The following INPP5D variants were observed in gnomAD, a reference collection of about 807,000 sequenced individuals.
The protein encoded by INPP5D is inositol polyphosphate-5-phosphatase D, also known as phosphatidylinositol 3,4,5-trisphosphate 5-phosphatase 1.
In INPP5D, 33 loss-of-function variants were observed where a neutral mutation model predicts 122.9. That is an observed-to-expected ratio of 0.27 (90% confidence interval 0.20 to 0.36). The LOEUF (loss-of-function observed/expected upper bound fraction) is 0.36. INPP5D is among the 10% of genes least tolerant of loss of function. The probability of loss-of-function intolerance (pLI) is 1.00; values close to 1 mark genes in which losing one functional copy is unlikely to be tolerated. For synonymous variants in INPP5D, 584 were observed against 576.2 expected, an observed-to-expected ratio of 1.01 and a Z score of -0.19; for missense variants, 1,053 against 1,412.7, an observed-to-expected ratio of 0.75 and a Z score of 4.08.
At chr2:233,122,306 C>T (rs368636410) in intron 3 of INPP5D, 49 bp downstream of exon 3, 468 of 1,578,556 alleles carry the variant, frequency 3.0e-4, no homozygotes, top group Non-Finnish European at 3.8e-4. Flanking sequence ...GGAACTTGCC[C>T]TGCACCCACC....
At chr2:233,200,473 C>A (rs1309133679) in intron 25 of INPP5D, among the ~76,000 whole-genome samples, 1 of 152,168 alleles carries the variant, frequency 6.6e-6, no homozygotes, top group Non-Finnish European at 1.5e-5. Context: ...CTGGTTTTTT[C>A]TTCATCCTTT....
At chr2:233,137,272 T>G (rs1290123213) in intron 5 of INPP5D, among the ~76,000 whole-genome samples, 2 of 152,010 alleles carry the variant, frequency 1.3e-5, no homozygotes, top group East Asian at 3.9e-4. Context: ...CACTGTAATT[T>G]TGCAGTAGAT....
intron 5 of INPP5D, among the ~76,000 whole-genome samples, chr2:233,138,334 T>C (rs1206330345): frequency 8.6e-6 from 1 of 116,358 alleles, no homozygotes; most frequent in African/African-American, 3.4e-5. Flanking sequence ...AGCAAAGCAA[T>C]ATGTAAAGTT....
At chr2:233,171,872 C>CA (rs1249245222) in intron 17 of INPP5D, among the ~76,000 whole-genome samples, 1 of 152,170 alleles carries the variant, frequency 6.6e-6, no homozygotes. Flanking sequence ...ATTCAAGGGT[C>CA]AAATGGCTGG....
At chr2:233,096,521 G>T (rs1436969133) in intron 2 of INPP5D, among the ~76,000 whole-genome samples, 2 of 152,038 alleles carry the variant, frequency 1.3e-5, no homozygotes, top group Non-Finnish European at 2.9e-5. Context: ...GCGTGGTGGC[G>T]CATGCCTGTA....
rs1240409265 is a variant in INPP5D, at chr2:233,185,901, G to A, written c.2334G>A (p.Val778=). The part of the protein sequence containing the change: ...NEEGSEGELV[V]KFGETLPKLK... ...AAGGAAGTGAGGGGGAGCTGGTGGT[G>A]AAGTTTGGTGAGACTCTTCCAAAGG... The change falls in exon 21 of 27, where the codon GTG becomes GTA. Residue 778 remains valine, a synonymous_variant. Coordinates refer to ENST00000445964, the MANE Select transcript of INPP5D (RefSeq NM_001017915.3). 2 of 1,607,812 alleles carry A rather than the reference G, an allele frequency of 1.2e-6. No homozygotes were observed. Among genetic ancestry groups the A allele is most frequent in the African/African-American group, 1.3e-5 (1 of 74,736 alleles).
intron 9 of INPP5D, among the ~76,000 whole-genome samples, chr2:233,148,258 AC>A (rs1693821634): frequency 6.6e-6 from 1 of 152,254 alleles, no homozygotes. Context: ...GCCGATAGAG[AC>A]TCAAATACAT....
chr2:233,131,629 G>C (rs1290432127), intron 5 of INPP5D, among the ~76,000 whole-genome samples: 1 of 152,158 alleles, frequency 6.6e-6, no homozygotes. Flanking sequence ...GAACCTGGGA[G>C]GCTGAGGTTG....
intron 11 of INPP5D, among the ~76,000 whole-genome samples, chr2:233,162,209 G>C (rs529726117): frequency 6.7e-6 from 1 of 148,842 alleles, no homozygotes; most frequent in Non-Finnish European, 1.5e-5. Context: ...CCCTGAGTAG[G>C]GTTGCCAGAT....
At chr2:233,089,100 C>A (rs1214054603) in intron 2 of INPP5D, among the ~76,000 whole-genome samples, 1 of 152,122 alleles carries the variant, frequency 6.6e-6, no homozygotes, top group East Asian at 1.9e-4. Context: ...CTTTGGATAA[C>A]TGAGGAAGAC....
Position 233,187,783 on chromosome 2 carries a change from G to A in INPP5D, c.2358+1858G>A, listed in dbSNP as rs530669387. On this transcript the variant is annotated intron_variant, in intron 21 of 26. Coordinates refer to ENST00000445964, the MANE Select transcript of INPP5D (RefSeq NM_001017915.3). Reference sequence around the variant, plus strand: ...AGTCGTGGGGGCTCTGGGCTCCAAGGAGACATTTCTGCCTCACCCGGCCCA... The same window carrying A: ...AGTCGTGGGGGCTCTGGGCTCCAAGAAGACATTTCTGCCTCACCCGGCCCA... Among the ~76,000 whole-genome samples the A allele has an allele frequency of 1.4e-4, 22 of 152,308 alleles. 1 individual carries two copies. In the South Asian group the frequency reaches 3.5e-3, roughly 24 times the overall value.
At position 233,170,728 on chromosome 2, in the gene INPP5D, C is replaced by T; in HGVS notation, c.1900+124C>T. 7.6e-7 allele frequency: 1 copy of T among 1,323,176 alleles called. No homozygotes were observed. Among genetic ancestry groups the T allele is most frequent in the African/African-American group, 1.5e-5 (1 of 67,258 alleles). The allele number at this position is 1,323,176 out of a possible 1,614,324, so 82.0% of individuals were successfully genotyped here. ...ACCATCCTGGCTAACACAGTGAAAC[C>T]CCGTCTCTACTTAAAAAAATACAAA... On this transcript the variant is annotated intron_variant, in intron 16 of 26. Transcript: ENST00000445964. The surrounding 1 kb of genome is among the most constrained non-coding windows in gnomAD (Gnocchi z 4.5).
chr2:233,116,619 CAG>C lies in INPP5D; in HGVS notation c.199-5485_199-5484del, dbSNP rs537169964. 3.2e-3 allele frequency among the ~76,000 whole-genome samples: 467 copies of C among 145,338 alleles called. 3 individuals carry two copies. Among genetic ancestry groups the C allele is most frequent in the African/African-American group, 0.012 (454 of 39,120 alleles). ...TCATAATTTTTTTTTTTCTTTGAGACAGAGTCTCACTCTGTCGCCCAGGCTGG... is the reference window on the plus strand; with the variant it reads ...TCATAATTTTTTTTTTTCTTTGAGACAGTCTCACTCTGTCGCCCAGGCTGG... On this transcript the variant is annotated intron_variant, in intron 2 of 26. Transcript: ENST00000445964.
Position 233,139,881 on chromosome 2 carries a change from G to C in INPP5D, c.705G>C (p.Gln235His). The C allele has an allele frequency of 2.5e-6, 1 of 398,876 alleles. No homozygotes were observed. The highest frequency in any genetic ancestry group is 4.4e-6 in the Non-Finnish European group (1 of 226,282). The allele number at this position is 398,876 out of a possible 1,614,324, so 24.7% of individuals were successfully genotyped here. The change falls in exon 6 of 27, where the codon CAG (glutamine) becomes CAC (histidine). Residue 235 changes from glutamine to histidine, a missense_variant. Around this residue, in one of 6 missense-constraint regions of INPP5D, gnomAD observed 196 missense variants for 175.6 expected, o/e 1.12. Transcript: ENST00000445964. Reference sequence around the variant, plus strand: ...CCCTCCCATCCCTGGAGTCTCTGCAGAGGTTATTTGACCAGCAGCTCTCCC... The same window carrying C: ...CCCTCCCATCCCTGGAGTCTCTGCACAGGTTATTTGACCAGCAGCTCTCCC... ...IRTLPSLESL[Q>H]RLFDQQLSPG...
intron 10 of INPP5D, among the ~76,000 whole-genome samples, chr2:233,161,138 C>T (rs1389794389): frequency 6.6e-6 from 1 of 151,904 alleles, no homozygotes; most frequent in African/African-American, 2.4e-5. Flanking sequence ...GTTACCCAGG[C>T]TGGAGTGCAA....
intron 2 of INPP5D, among the ~76,000 whole-genome samples, chr2:233,115,664 G>T (rs1692768338): frequency 6.6e-6 from 1 of 152,178 alleles, no homozygotes; most frequent in Non-Finnish European, 1.5e-5. Flanking sequence ...GTCAGACAAA[G>T]GTGCCTCTCC....
In INPP5D at chr2:233,206,199, T is replaced by C. The variant is rs993794479; in HGVS notation, c.3568-507T>C. 6.6e-6 allele frequency among the ~76,000 whole-genome samples: 1 copy of C among 152,124 alleles called. No homozygotes were observed. Among genetic ancestry groups the C allele is most frequent in the African/African-American group, 2.4e-5 (1 of 41,436 alleles). On this transcript the variant is annotated intron_variant, in intron 26 of 26. Transcript: ENST00000445964. This position sits in a 1 kb window ranked among gnomAD's most constrained non-coding sequence, Gnocchi z 4.0. ...GGGGCTGTTAATAGTACCTACCTCA[T>C]AGACTTAGAAGGAGAATTGCATTGT... is the stretch of plus-strand genomic sequence containing the variant.
In INPP5D at chr2:233,164,867, G is replaced by T. The variant is rs377430641; in HGVS notation, c.1555+443G>T. Reference sequence around the variant, plus strand: ...TCCTCTCTGCCTTTCTGGTGGGAAAGCAGCCATAGGCAACCCAGAAAGCGA... The same window carrying T: ...TCCTCTCTGCCTTTCTGGTGGGAAATCAGCCATAGGCAACCCAGAAAGCGA... On this transcript the variant is annotated intron_variant, in intron 13 of 26. Coordinates refer to ENST00000445964, the MANE Select transcript of INPP5D (RefSeq NM_001017915.3). The surrounding 1 kb of genome is among the most constrained non-coding windows in gnomAD (Gnocchi z 4.3). Among the ~76,000 whole-genome samples, 30 of 152,126 alleles carry T rather than the reference G, an allele frequency of 2.0e-4. No homozygotes were observed. Among genetic ancestry groups the T allele is most frequent in the African/African-American group, 5.1e-4 (21 of 41,406 alleles).
intron 2 of INPP5D, among the ~76,000 whole-genome samples, chr2:233,102,279 A>G (rs898356899): frequency 1.3e-5 from 2 of 152,210 alleles, no homozygotes; most frequent in East Asian, 1.9e-4. Flanking sequence ...AAATTCTAGC[A>G]CCCAAGGCCT....
Sources: gnomAD v4.1 joint callset for allele counts (sites outside exome capture counted in the v4.1 genomes callset) on GRCh38, gnomAD v4.1.1 for gene constraint, gnomAD v4.1.1 regional missense constraint, Gnocchi (gnomAD v3.1) non-coding constraint, MANE v1.5 for transcripts, NCBI Gene and HGNC (gene_info 2026-07-23, HGNC 2026-07-21) for gene names.